RASEF: variants seen among roughly 807,000 people sequenced by gnomAD.
RASEF encodes RAS and EF-hand domain containing.
A neutral mutation model predicts 90.1 loss-of-function variants in RASEF; 68 were observed. The ratio of observed to expected loss-of-function variants is 0.75; its 90% CI spans 0.62 to 0.92. RASEF has a LOEUF of 0.92. Ranked by LOEUF, RASEF falls within the 40% of genes least tolerant of loss-of-function variation. The probability of loss-of-function intolerance (pLI) is 0.00; values close to 1 mark genes in which losing one functional copy is unlikely to be tolerated. For synonymous variants in RASEF, 331 were observed against 345.2 expected, an observed-to-expected ratio of 0.96 and a Z score of 0.46; for missense variants, 949 against 937.2, an observed-to-expected ratio of 1.01 and a Z score of -0.16.
chr9:83,182,477 C>A, the RASEF span, among the ~76,000 whole-genome samples: 1 of 152,120 alleles, frequency 6.6e-6, no homozygotes, highest in Non-Finnish European at 1.5e-5. Context: ...ATTCAACAAC[C>A]AAAAATTACA....
At chr9:83,143,253 C>A in the RASEF span, among the ~76,000 whole-genome samples, 3 of 152,148 alleles carry the variant, frequency 2.0e-5, no homozygotes, top group Non-Finnish European at 4.4e-5. Flanking sequence ...AACTGAAGAG[C>A]TTCTGCACAG....
chr9:83,184,253 A>G, the RASEF span, among the ~76,000 whole-genome samples: 4 of 152,114 alleles, frequency 2.6e-5, no homozygotes, highest in Non-Finnish European at 5.9e-5. Flanking sequence ...ACCTTATGAG[A>G]CTGGTAAAGA....
At chr9:83,102,636 A>AG in the RASEF span, among the ~76,000 whole-genome samples, 1 of 152,128 alleles carries the variant, frequency 6.6e-6, no homozygotes, top group Non-Finnish European at 1.5e-5. Context: ...AGAGGGAACG[A>AG]GGGAAAAACG....
the RASEF span, among the ~76,000 whole-genome samples, chr9:83,102,001 T>C: frequency 6.6e-6 from 1 of 152,092 alleles, no homozygotes; most frequent in East Asian, 1.9e-4. Flanking sequence ...TTCAGTACTA[T>C]GTTTTGGGAC....
intron 13 of RASEF, among the ~76,000 whole-genome samples, chr9:82,997,490 G>A (rs1384896638): frequency 2.0e-5 from 3 of 152,132 alleles, no homozygotes; most frequent in Non-Finnish European, 2.9e-5. Flanking sequence ...AAGGAGATAC[G>A]AACTAGAGAA....
At chr9:83,101,249 T>C in the RASEF span, among the ~76,000 whole-genome samples, 2 of 152,156 alleles carry the variant, frequency 1.3e-5, no homozygotes, top group Non-Finnish European at 2.9e-5. Flanking sequence ...ACAGCAACAT[T>C]AAGCACAGTT....
chr9:83,149,643 A>G, the RASEF span, among the ~76,000 whole-genome samples: 1 of 152,150 alleles, frequency 6.6e-6, no homozygotes, highest in South Asian at 2.1e-4. Context: ...GGCTTTGAGT[A>G]AGGATCAGAC....
At chr9:83,179,250 C>T in the RASEF span, among the ~76,000 whole-genome samples, 1 of 152,136 alleles carries the variant, frequency 6.6e-6, no homozygotes, top group Non-Finnish European at 1.5e-5. Context: ...CTAAAAGCTT[C>T]TTGCATCACA....
the RASEF span, among the ~76,000 whole-genome samples, chr9:83,097,292 C>A: frequency 1.3e-5 from 2 of 152,188 alleles, no homozygotes; most frequent in African/African-American, 4.8e-5. Context: ...TCTCCAGCAC[C>A]TGTTGTTTCC....
At chr9:83,095,740 A>G in the RASEF span, among the ~76,000 whole-genome samples, 1 of 152,030 alleles carries the variant, frequency 6.6e-6, no homozygotes, top group Non-Finnish European at 1.5e-5. Context: ...TTCTCTGTTT[A>G]GGAATCTATA....
chr9:83,185,937 G>A, the RASEF span, among the ~76,000 whole-genome samples: 1 of 150,832 alleles, frequency 6.6e-6, no homozygotes. Flanking sequence ...GCCCAGCACA[G>A]TCACGTAGCC....
intron 7 of RASEF, among the ~76,000 whole-genome samples, chr9:83,006,604 G>C (rs560481851): frequency 6.6e-6 from 1 of 152,232 alleles, no homozygotes; most frequent in East Asian, 1.9e-4. Context: ...GAAGGAGAGG[G>C]GTAGGTTTTG....
At chr9:83,004,680 T>C (rs949714423) in intron 8 of RASEF, 94 bp from the exon 9 acceptor site, 27 of 729,156 alleles carry the variant, frequency 3.7e-5, no homozygotes, top group Non-Finnish European at 5.5e-5. Context: ...TTTTTAAAAC[T>C]GTAGCACACT....
At chr9:83,004,461 C>A in intron 9 of RASEF, 37 bp downstream of exon 9, 1 of 1,279,390 alleles carries the variant, frequency 7.8e-7, no homozygotes, top group South Asian at 1.2e-5. Flanking sequence ...AACTGTGATT[C>A]TGAACTTGAA....
intron 16 of RASEF, among the ~76,000 whole-genome samples, chr9:82,983,956 T>C (rs1191080252): frequency 6.6e-6 from 1 of 152,138 alleles, no homozygotes; most frequent in African/African-American, 2.4e-5. Flanking sequence ...GTCAAGAAAC[T>C]TTCCGGCTGA....
rs1446126625 is a variant in RASEF, at chr9:83,055,690, T to C, written c.431+6747A>G. ...TGAAATTGTGTAGCCAAATCTGTAA[T>C]ACAAAAGTCATCCAAATCTGTAATG... On this transcript the variant is annotated intron_variant, in intron 1 of 16. Coordinates refer to ENST00000376447, the MANE Select transcript of RASEF (RefSeq NM_152573.4). 3 of 717,502 alleles carry C rather than the reference T, an allele frequency of 4.2e-6. No individual in the cohort carries two copies. The Admixed American group carries it at 6.0e-5, about 14-fold the overall frequency. 44.4% of individuals were successfully genotyped at this position (717,502 alleles called of 1,614,324 possible). A position where few individuals can be genotyped will look rare whatever the true frequency, so the allele number is the denominator to read the frequency against.
chr9:83,156,747 C>A, the RASEF span, among the ~76,000 whole-genome samples: 1 of 152,186 alleles, frequency 6.6e-6, no homozygotes, highest in African/African-American at 2.4e-5. Flanking sequence ...AGCAACCCAT[C>A]TGATAGTCCT....
chr9:83,005,372 A>G (rs1829110358), intron 8 of RASEF, 44 bp downstream of exon 8: 3 of 1,366,270 alleles, frequency 2.2e-6, no homozygotes, highest in African/African-American at 2.9e-5. Flanking sequence ...AAAATACTCC[A>G]CCACTAGAAA....
intron 16 of RASEF, among the ~76,000 whole-genome samples, chr9:82,987,974 T>G (rs1304286006): frequency 6.6e-6 from 1 of 152,222 alleles, no homozygotes; most frequent in Non-Finnish European, 1.5e-5. Flanking sequence ...CTGTTACTGC[T>G]GCATGGGAGC....
Sources: gnomAD v4.1 joint callset for allele counts (sites outside exome capture counted in the v4.1 genomes callset) on GRCh38, gnomAD v4.1.1 for gene constraint, MANE v1.5 for transcripts, NCBI Gene and HGNC (gene_info 2026-07-23, HGNC 2026-07-21) for gene names.